The following ARK2C variants were observed in gnomAD, a reference collection of about 807,000 sequenced individuals.
ARK2C encodes arkadia (RNF111) C-terminal like ring finger ubiquitin ligase 2C.
chr18:46,396,734 G>C, the ARK2C span, among the ~76,000 whole-genome samples: 1 of 152,172 alleles, frequency 6.6e-6, no homozygotes, highest in African/African-American at 2.4e-5. Flanking sequence ...GGACTGCAGA[G>C]AAGGGACACC....
the ARK2C span, among the ~76,000 whole-genome samples, chr18:46,431,837 G>A: frequency 9.2e-5 from 14 of 152,322 alleles, no homozygotes; most frequent in African/African-American, 3.4e-4. Flanking sequence ...AGTAGCCACT[G>A]CCTCCAATTC....
chr18:46,378,503 T>C, the ARK2C span, among the ~76,000 whole-genome samples: 1 of 152,126 alleles, frequency 6.6e-6, no homozygotes, highest in South Asian at 2.1e-4. Context: ...CCACCCAAAC[T>C]GGAAAGGCTT....
chr18:46,397,631 GGT>G, the ARK2C span, among the ~76,000 whole-genome samples: 2 of 114,704 alleles, frequency 1.7e-5, no homozygotes, highest in Admixed American at 8.9e-5. Flanking sequence ...GAGGTGTGAG[GGT>G]GTGTGTGTGT....
chr18:46,404,112 C>CTTT, the ARK2C span, among the ~76,000 whole-genome samples: 1 of 152,302 alleles, frequency 6.6e-6, no homozygotes, highest in East Asian at 1.9e-4. Flanking sequence ...AGGATTTCAT[C>CTTT]TTTTTTCTTT....
chr18:46,340,555 C>T, the ARK2C span, among the ~76,000 whole-genome samples: 50 of 152,184 alleles, frequency 3.3e-4, no homozygotes, highest in Non-Finnish European at 5.9e-4. Context: ...CTAAGATGTT[C>T]TGGGCCAAAA....
the ARK2C span, among the ~76,000 whole-genome samples, chr18:46,340,003 T>C: frequency 6.6e-6 from 1 of 152,206 alleles, no homozygotes; most frequent in East Asian, 1.9e-4. Flanking sequence ...GGACCCCTTT[T>C]CTGAAGCAAA....
the ARK2C span, chr18:46,435,482 T>G: frequency 1.8e-6 from 2 of 1,095,642 alleles, no homozygotes; most frequent in Non-Finnish European, 2.7e-6. Flanking sequence ...TCTGTTTTCC[T>G]TCACTTTGAA....
At chr18:46,449,374 T>A in the ARK2C span, among the ~76,000 whole-genome samples, 3 of 152,208 alleles carry the variant, frequency 2.0e-5, no homozygotes, top group Non-Finnish European at 4.4e-5. Flanking sequence ...TAAAAAACAT[T>A]GCATTAAAAT....
At chr18:46,430,329 C>A in the ARK2C span, among the ~76,000 whole-genome samples, 1 of 152,174 alleles carries the variant, frequency 6.6e-6, no homozygotes, top group Admixed American at 6.5e-5. Context: ...AAATCTCAAG[C>A]TGTTCTGATT....
chr18:46,418,196 A>G, the ARK2C span, among the ~76,000 whole-genome samples: 1 of 152,110 alleles, frequency 6.6e-6, no homozygotes, highest in African/African-American at 2.4e-5. Context: ...CAAAAAATAA[A>G]AAATAAAAAA....
the ARK2C span, among the ~76,000 whole-genome samples, chr18:46,349,697 C>T: frequency 6.6e-6 from 1 of 152,174 alleles, no homozygotes; most frequent in Non-Finnish European, 1.5e-5. Flanking sequence ...TAGGGCCTTC[C>T]TTCCCACCTT....
chr18:46,422,335 T>C, the ARK2C span, among the ~76,000 whole-genome samples: 58 of 152,294 alleles, frequency 3.8e-4, no homozygotes, highest in African/African-American at 1.4e-3. Context: ...GTGCATTACC[T>C]AGTTGCATGA....
At chr18:46,405,289 T>G in the ARK2C span, among the ~76,000 whole-genome samples, 3 of 151,922 alleles carry the variant, frequency 2.0e-5, no homozygotes, top group Non-Finnish European at 4.4e-5. Flanking sequence ...CTCTGGGAGG[T>G]GCCCGTGGCC....
the ARK2C span, among the ~76,000 whole-genome samples, chr18:46,350,544 A>G: frequency 1.5e-3 from 234 of 152,234 alleles, 2 homozygotes; most frequent in African/African-American, 5.4e-3. Flanking sequence ...AACCCCAAGA[A>G]CCCCTGCAGC....
At chr18:46,398,258 GGT>G in the ARK2C span, among the ~76,000 whole-genome samples, 3 of 151,476 alleles carry the variant, frequency 2.0e-5, no homozygotes, top group African/African-American at 7.3e-5. Flanking sequence ...GAGGTGTGAG[GGT>G]GTGTGTGCAT....
the ARK2C span, among the ~76,000 whole-genome samples, chr18:46,351,191 C>T: frequency 6.6e-6 from 1 of 152,142 alleles, no homozygotes; most frequent in Admixed American, 6.5e-5. Flanking sequence ...CCACTGGAGT[C>T]GACACTAAAT....
the ARK2C span, among the ~76,000 whole-genome samples, chr18:46,439,036 C>T: frequency 6.6e-6 from 1 of 152,198 alleles, no homozygotes; most frequent in African/African-American, 2.4e-5. Context: ...CTGTGGTGTG[C>T]ATGGAGTCTG....
chr18:46,372,685 G>C, the ARK2C span, among the ~76,000 whole-genome samples: 1 of 152,214 alleles, frequency 6.6e-6, no homozygotes, highest in African/African-American at 2.4e-5. Flanking sequence ...CAGGAGGAGG[G>C]AGCTGAGCCT....
At chr18:46,343,324 C>T in the ARK2C span, among the ~76,000 whole-genome samples, 2 of 152,262 alleles carry the variant, frequency 1.3e-5, no homozygotes, top group African/African-American at 4.8e-5. Flanking sequence ...AGATTCTGGT[C>T]CACAAACTTC....
Sources: gnomAD v4.1 joint callset for allele counts (sites outside exome capture counted in the v4.1 genomes callset) on GRCh38, gnomAD v4.1.1 for gene constraint, MANE v1.5 for transcripts, NCBI Gene and HGNC (gene_info 2026-07-23, HGNC 2026-07-21) for gene names.